SGMS1: variants seen among roughly 807,000 people sequenced by gnomAD.
The protein encoded by SGMS1 is phosphatidylcholine:ceramide cholinephosphotransferase 1.
Under a neutral mutation model 46.2 loss-of-function variants are expected in SGMS1, and 13 were observed. The observed-to-expected ratio is 0.28, with a 90% CI of 0.18 to 0.45. SGMS1 has a LOEUF of 0.45. SGMS1 is among the 20% of genes least tolerant of loss of function. The pLI, the probability that SGMS1 is intolerant of heterozygous loss-of-function variation, is 1.00. For synonymous variants in SGMS1, 203 were observed against 187.8 expected, an observed-to-expected ratio of 1.08 and a Z score of -0.66; for missense variants, 324 against 519.9, an observed-to-expected ratio of 0.62 and a Z score of 3.66.
chr10:50,527,063 C>CAAAAAAAAAAAAA (rs573386594), intron 2 of SGMS1, among the ~76,000 whole-genome samples: 3 of 90,790 alleles, frequency 3.3e-5, no homozygotes, highest in Admixed American at 1.2e-4. Flanking sequence ...GACTCTGTCT[C>CAAAAAAAAAAAAA]AAAAAAAAAA....
chr10:50,441,073 G>A (rs1302071484), intron 5 of SGMS1, among the ~76,000 whole-genome samples: 4 of 152,206 alleles, frequency 2.6e-5, no homozygotes, highest in Admixed American at 2.0e-4. Flanking sequence ...TGCATGAAAT[G>A]CATGCAATGC....
intron 3 of SGMS1, among the ~76,000 whole-genome samples, chr10:50,479,490 G>A (rs10047363): frequency 7.2e-5 from 11 of 152,140 alleles, no homozygotes; most frequent in Admixed American, 2.6e-4. Flanking sequence ...ATTAACTGTC[G>A]AGTTAACAGA....
chr10:50,449,179 G>T (rs1278254949), intron 5 of SGMS1, among the ~76,000 whole-genome samples: 1 of 152,174 alleles, frequency 6.6e-6, no homozygotes, highest in Non-Finnish European at 1.5e-5. Context: ...GGAAAACCAG[G>T]TAATAATTTT....
intron 6 of SGMS1, among the ~76,000 whole-genome samples, chr10:50,378,308 G>C (rs1248981000): frequency 1.3e-5 from 2 of 151,968 alleles, no homozygotes; most frequent in African/African-American, 2.4e-5. Context: ...TTAAACTAAG[G>C]GCATACCAGA....
chr10:50,557,057 G>C (rs984773826), intron 2 of SGMS1, among the ~76,000 whole-genome samples: 8 of 152,234 alleles, frequency 5.3e-5, no homozygotes, highest in African/African-American at 1.7e-4. Context: ...CACATAGTAG[G>C]CTTTATACAA....
intron 7 of SGMS1, among the ~76,000 whole-genome samples, chr10:50,337,363 C>T (rs1354813541): frequency 1.3e-5 from 2 of 152,092 alleles, no homozygotes; most frequent in Non-Finnish European, 2.9e-5. Context: ...CAGTATATGG[C>T]TAATATATAG....
At chr10:50,393,769 C>A (rs1478330505) in intron 6 of SGMS1, among the ~76,000 whole-genome samples, 1 of 152,156 alleles carries the variant, frequency 6.6e-6, no homozygotes, top group Non-Finnish European at 1.5e-5. Flanking sequence ...CAAAATATTT[C>A]TATATTATTA....
intron 6 of SGMS1, among the ~76,000 whole-genome samples, chr10:50,361,252 G>A (rs544689564): frequency 6.6e-6 from 1 of 152,180 alleles, no homozygotes; most frequent in South Asian, 2.1e-4. Flanking sequence ...GCAGGTTGGG[G>A]AGGTGGCAGA....
At chr10:50,469,049 G>T (rs1837355992) in intron 3 of SGMS1, among the ~76,000 whole-genome samples, 1 of 152,138 alleles carries the variant, frequency 6.6e-6, no homozygotes, top group South Asian at 2.1e-4. Context: ...CATAACAGAG[G>T]TTATGTTGTA....
At chr10:50,442,198 T>TA (rs398114311) in intron 5 of SGMS1, among the ~76,000 whole-genome samples, 35 of 151,604 alleles carry the variant, frequency 2.3e-4, no homozygotes, top group African/African-American at 7.5e-4. Context: ...TTTTTTTTTT[T>TA]ACTTTTGAGT....
intron 6 of SGMS1, among the ~76,000 whole-genome samples, chr10:50,353,380 A>G (rs1279055797): frequency 6.6e-6 from 1 of 152,306 alleles, no homozygotes; most frequent in Non-Finnish European, 1.5e-5. Context: ...CTTTGACAAA[A>G]TTCAACAACC....
rs1481565089 is a variant in SGMS1 at position 50,353,148 on chromosome 10, T to C, written c.-231-8803A>G. On this transcript the variant is annotated intron_variant, in intron 6 of 10. Transcript: ENST00000361781. ...GAGACACAACAAAAAAAGAGAATTT[T>C]AGACCAATGTCCCTGATGAACATCG... Among the ~76,000 whole-genome samples the C allele has an allele frequency of 5.9e-5, 9 of 152,352 alleles. No individual in the cohort carries two copies. In the South Asian group the frequency reaches 1.9e-3, roughly 32 times the overall value.
At chr10:50,560,372 T>A (rs911468057) in intron 2 of SGMS1, among the ~76,000 whole-genome samples, 7 of 138,446 alleles carry the variant, frequency 5.1e-5, no homozygotes, top group Non-Finnish European at 7.5e-5. Flanking sequence ...ACATATTATA[T>A]ATTATATGCA....
At chr10:50,560,396 T>C (rs568539304) in intron 2 of SGMS1, among the ~76,000 whole-genome samples, 156 of 138,732 alleles carry the variant, frequency 1.1e-3, no homozygotes, top group African/African-American at 4.0e-3. Context: ...AATATATGCA[T>C]ATATTATAAT....
rs1399543322 is a variant in SGMS1, at chr10:50,307,099, T to C, written c.*43A>G. On this transcript the variant is annotated 3_prime_UTR_variant, in exon 11 of 11. Transcript: ENST00000361781. This position sits in a 1 kb window ranked among gnomAD's most constrained non-coding sequence, Gnocchi z 4.2. Reference sequence around the variant, plus strand: ...ATGGCATCTTCTCTCATGGAGTTCTTAGCACTTCGGACAATTTGTCTTTTC... The same window carrying C: ...ATGGCATCTTCTCTCATGGAGTTCTCAGCACTTCGGACAATTTGTCTTTTC... 3 of 1,589,722 alleles carry C rather than the reference T, an allele frequency of 1.9e-6. No homozygotes were observed. Among genetic ancestry groups the C allele is most frequent in the South Asian group, 1.1e-5 (1 of 87,830 alleles).
intron 2 of SGMS1, among the ~76,000 whole-genome samples, chr10:50,538,811 G>A (rs1838027066): frequency 6.6e-6 from 1 of 152,212 alleles, no homozygotes; most frequent in African/African-American, 2.4e-5. Context: ...GGTCAAAGGC[G>A]ATCCAAAAGA....
At chr10:50,385,578 C>A (rs368991610) in intron 6 of SGMS1, among the ~76,000 whole-genome samples, 3 of 152,108 alleles carry the variant, frequency 2.0e-5, no homozygotes, top group Non-Finnish European at 2.9e-5. Context: ...TGAAATCAAT[C>A]ACTGTTCTTT....
chr10:50,505,861 G>A (rs1030848035), intron 3 of SGMS1, among the ~76,000 whole-genome samples: 1 of 152,072 alleles, frequency 6.6e-6, no homozygotes, highest in Non-Finnish European at 1.5e-5. Flanking sequence ...TATCTGCGGG[G>A]GGAGAGCATC....
intron 6 of SGMS1, among the ~76,000 whole-genome samples, chr10:50,394,487 C>T (rs1034817424): frequency 2.0e-5 from 3 of 152,170 alleles, no homozygotes; most frequent in Admixed American, 6.6e-5. Flanking sequence ...AGTTGGAGCA[C>T]CCAGTTGGAA....
Sources: allele counts gnomAD v4.1 joint callset (sites outside exome capture counted in the v4.1 genomes callset), GRCh38; gene constraint gnomAD v4.1.1; non-coding constraint Gnocchi (gnomAD v3.1); transcripts MANE v1.5; gene names NCBI Gene and HGNC (gene_info 2026-07-23, HGNC 2026-07-21).